Variants in PDE11A observed in about 807,000 individuals in gnomAD.
PDE11A encodes dual 3',5'-cyclic-AMP and -GMP phosphodiesterase 11A.
PDE11A carries 100 observed loss-of-function variants against 100.5 expected under a neutral mutation model. The ratio of observed to expected loss-of-function variants is 1.00; its 90% CI spans 0.85 to 1.18. The LOEUF is 1.18. Ranked by LOEUF, PDE11A falls within the 50% of genes most tolerant of loss-of-function variation. The probability of loss-of-function intolerance (pLI) is 0.00; values close to 1 mark genes in which losing one functional copy is unlikely to be tolerated. For synonymous variants in PDE11A, 381 were observed against 420.8 expected, an observed-to-expected ratio of 0.91 and a Z score of 1.16; for missense variants, 1,141 against 1,152.6, an observed-to-expected ratio of 0.99 and a Z score of 0.15.
intron 5 of PDE11A, among the ~76,000 whole-genome samples, chr2:177,866,250 C>A (rs150003621): frequency 1.4e-4 from 22 of 152,270 alleles, no homozygotes; most frequent in Middle Eastern, 3.4e-3. Flanking sequence ...GGGTCCAAGC[C>A]TCCCCTGGAG....
chr2:177,925,080 T>A (rs1335973960), intron 2 of PDE11A, among the ~76,000 whole-genome samples: 6 of 150,664 alleles, frequency 4.0e-5, no homozygotes, highest in African/African-American at 1.5e-4. Context: ...TATGGCTGCA[T>A]AGTATTCCAT....
chr2:177,968,244 TAATA>T (rs1447340613), intron 2 of PDE11A, among the ~76,000 whole-genome samples: 2 of 152,246 alleles, frequency 1.3e-5, no homozygotes, highest in African/African-American at 2.4e-5. Context: ...TTTTTTCTCC[TAATA>T]AATCAAGGTT....
intron 2 of PDE11A, among the ~76,000 whole-genome samples, chr2:177,939,532 G>T (rs2085321254): frequency 1.9e-5 from 1 of 53,846 alleles, no homozygotes; most frequent in Admixed American, 1.4e-4. Context: ...AGGGAGGGAG[G>T]AAGGAAGGAA....
chr2:177,686,260 T>C (rs1435899330), intron 15 of PDE11A, among the ~76,000 whole-genome samples: 4 of 152,340 alleles, frequency 2.6e-5, no homozygotes, highest in East Asian at 1.9e-4. Flanking sequence ...TCAACTTGTA[T>C]AATTTTGTCA....
intron 2 of PDE11A, among the ~76,000 whole-genome samples, chr2:177,912,853 T>C (rs1371748007): frequency 2.0e-5 from 3 of 152,232 alleles, no homozygotes; most frequent in Non-Finnish European, 2.9e-5. Context: ...TATAACTAGC[T>C]ATTACCTATT....
chr2:177,700,349 G>A (rs1282835727), intron 14 of PDE11A, among the ~76,000 whole-genome samples: 1 of 150,996 alleles, frequency 6.6e-6, no homozygotes, highest in Non-Finnish European at 1.5e-5. Flanking sequence ...ATAATTAATG[G>A]CACAGCTAGA....
chr2:178,048,039 T>G (rs538977395), intron 1 of PDE11A, among the ~76,000 whole-genome samples: 9 of 152,212 alleles, frequency 5.9e-5, no homozygotes, highest in Non-Finnish European at 1.3e-4. Context: ...GAACTCCTTT[T>G]GCTCATGAAC....
rs540991860 is a variant in PDE11A at position 178,072,526 on chromosome 2, C to T, written c.-89G>A. 3 of 1,576,662 alleles carry T rather than the reference C, an allele frequency of 1.9e-6. No homozygotes were observed. Among genetic ancestry groups the T allele is most frequent in the African/African-American group, 1.3e-5 (1 of 74,178 alleles). On this transcript the variant is annotated 5_prime_UTR_variant, in exon 1 of 20. Coordinates refer to ENST00000286063, the MANE Select transcript of PDE11A (RefSeq NM_016953.4). ...CTAGCTGTTCCTGCACATGTTCACC[C>T]CCACCAGTATTCCCAGTTCAGCGCC...
At chr2:177,983,425 A>G (rs1168694388) in intron 2 of PDE11A, among the ~76,000 whole-genome samples, 1 of 152,216 alleles carries the variant, frequency 6.6e-6, no homozygotes, top group Non-Finnish European at 1.5e-5. Flanking sequence ...GCACCTTTTA[A>G]TCAACATCTA....
At chr2:177,996,185 C>T (rs2086071775) in intron 2 of PDE11A, among the ~76,000 whole-genome samples, 2 of 151,436 alleles carry the variant, frequency 1.3e-5, no homozygotes, top group Non-Finnish European at 2.9e-5. Flanking sequence ...CGAGATCTCG[C>T]TACTGCACTC....
intron 4 of PDE11A, among the ~76,000 whole-genome samples, chr2:177,896,437 G>C (rs1203874411): frequency 1.3e-5 from 2 of 152,210 alleles, no homozygotes; most frequent in African/African-American, 4.8e-5. Context: ...AGCAAACAGT[G>C]AGTTTGCCTG....
Position 178,096,843 on chromosome 2 carries a change from C to T in PDE11A, c.162+7459G>A, listed in dbSNP as rs374802801. On this transcript the variant is annotated intron_variant, in intron 2 of 20. Transcript: ENST00000358450. ...TTCTGAGCCCTCCAAATTGTTCCAACATCTGCCCATTACCCAGTTAGCCAT... is the reference window on the plus strand; with the variant it reads ...TTCTGAGCCCTCCAAATTGTTCCAATATCTGCCCATTACCCAGTTAGCCAT... Among the ~76,000 whole-genome samples the T allele has an allele frequency of 2.6e-5, 4 of 152,274 alleles. No homozygotes were observed. The East Asian group carries it at 7.7e-4, about 29-fold the overall frequency.
At chr2:177,914,618 C>G (rs1036831263) in intron 2 of PDE11A, among the ~76,000 whole-genome samples, 47 of 152,214 alleles carry the variant, frequency 3.1e-4, no homozygotes, top group African/African-American at 1.1e-3. Flanking sequence ...TCCCCACTTA[C>G]CCAGCACAGG....
chr2:177,894,090 T>C (rs1177139990), intron 4 of PDE11A, among the ~76,000 whole-genome samples: 4 of 152,158 alleles, frequency 2.6e-5, no homozygotes, highest in Non-Finnish European at 4.4e-5. Context: ...CAGTTTCCTG[T>C]TTATCCTGGC....
intron 5 of PDE11A, among the ~76,000 whole-genome samples, chr2:177,854,041 C>T (rs565172725): frequency 1.3e-5 from 2 of 151,166 alleles, no homozygotes; most frequent in Admixed American, 1.3e-4. Context: ...AAATGAGAGA[C>T]CTACTAAAGC....
chr2:178,063,664 T>C (rs533325289), intron 1 of PDE11A, among the ~76,000 whole-genome samples: 1 of 152,272 alleles, frequency 6.6e-6, no homozygotes, highest in South Asian at 2.1e-4. Context: ...CTGGGTGATT[T>C]AGGGCAAGGA....
chr2:177,844,078 A>T (rs1464443445), intron 5 of PDE11A, among the ~76,000 whole-genome samples: 1 of 152,112 alleles, frequency 6.6e-6, no homozygotes, highest in African/African-American at 2.4e-5. Context: ...CCTCAGAGAG[A>T]CAGATAGGAA....
At chr2:177,955,698 G>T (rs1190788481) in intron 2 of PDE11A, among the ~76,000 whole-genome samples, 2 of 152,108 alleles carry the variant, frequency 1.3e-5, no homozygotes, top group Non-Finnish European at 2.9e-5. Context: ...CATGGTACTG[G>T]TATCAAAACA....
intron 2 of PDE11A, among the ~76,000 whole-genome samples, chr2:178,102,428 GTTTTTT>G (rs769341186): frequency 3.6e-5 from 2 of 55,364 alleles, no homozygotes; most frequent in Non-Finnish European, 6.3e-5. Flanking sequence ...CCTGGTCTAA[GTTTTTT>G]TTTTTTTTTT....
Sources: allele counts gnomAD v4.1 joint callset (sites outside exome capture counted in the v4.1 genomes callset), GRCh38; gene constraint gnomAD v4.1.1; transcripts MANE v1.5; gene names NCBI Gene and HGNC (gene_info 2026-07-23, HGNC 2026-07-21).